The following GET4 variants were observed in gnomAD, a reference collection of about 807,000 sequenced individuals.
GET4 encodes Golgi to ER traffic protein 4 homolog.
GET4 carries 20 observed loss-of-function variants against 40.0 expected under a neutral mutation model. That is an observed-to-expected ratio of 0.50 (90% CI 0.35 to 0.73). The LOEUF (loss-of-function observed/expected upper bound fraction) is 0.73, where lower values mean the gene tolerates loss of function less well. Ranked by LOEUF, GET4 falls within the 30% of genes least tolerant of loss-of-function variation. The probability of loss-of-function intolerance (pLI) is 0.01; values close to 1 mark genes in which losing one functional copy is unlikely to be tolerated. For synonymous variants in GET4, 280 were observed against 194.6 expected (o/e 1.44, Z -3.65); for missense variants, 557 against 454.0 (o/e 1.23, Z -2.06).
chr7:878,725 C>T (rs891829696), intron 1 of GET4, among the ~76,000 whole-genome samples: 1 of 152,008 alleles, frequency 6.6e-6, no homozygotes, highest in Non-Finnish European at 1.5e-5. Flanking sequence ...GAATTACTGG[C>T]GCGCACCACC....
At chr7:886,521 C>T (rs773191906) in intron 2 of GET4, 48 bp from the exon 3 acceptor site, 4 of 1,387,782 alleles carry the variant, frequency 2.9e-6, no homozygotes, top group Non-Finnish European at 4.1e-6. Flanking sequence ...CTGTCCTGAA[C>T]AGGTCAGGGC....
chr7:887,344 C>T lies in GET4; in HGVS notation c.317-26C>T, dbSNP rs769107913. On this transcript the variant is annotated intron_variant, in intron 3 of 8. Transcript: ENST00000265857. ...AGAGCCGGAGTGGCCGTGCGTTCCT[C>T]TGATGAGGGTCTGTGCTGTTTGCAG... The T allele has an allele frequency of 3.2e-6, 5 of 1,567,266 alleles. No individual in the cohort carries two copies. In the Admixed American group the frequency reaches 7.1e-5, roughly 22 times the overall value.
chr7:877,259 C>T (rs1226936124), intron 1 of GET4, among the ~76,000 whole-genome samples: 1 of 149,418 alleles, frequency 6.7e-6, no homozygotes, highest in Admixed American at 6.7e-5. Context: ...CTCTCCCCGG[C>T]CTCTCCCGGC....
chr7:883,865 C>A (rs1844132808), intron 1 of GET4: 1 of 1,025,978 alleles, frequency 9.7e-7, no homozygotes, highest in Admixed American at 5.5e-5. Flanking sequence ...CACCGGCATT[C>A]CTGGACCTGG....
chr7:890,587 C>T (rs141642024), intron 4 of GET4, among the ~76,000 whole-genome samples: 62 of 152,202 alleles, frequency 4.1e-4, no homozygotes, highest in African/African-American at 1.3e-3. Context: ...TTATATTGCG[C>T]CCTGTAAGTT....
intron 1 of GET4, chr7:881,361 C>G (rs890182050): frequency 2.6e-5 from 4 of 152,122 alleles, no homozygotes; most frequent in Admixed American, 6.5e-5. Context: ...CACCCCATCC[C>G]CGGCACCCGT....
At chr7:889,624 G>A (rs533781963) in intron 4 of GET4, among the ~76,000 whole-genome samples, 1 of 152,156 alleles carries the variant, frequency 6.6e-6, no homozygotes, top group Admixed American at 6.6e-5. Flanking sequence ...GGCTCCCAAG[G>A]CATGCATGGG....
In GET4 at chr7:886,374, G is replaced by A. The variant is rs535317499; in HGVS notation, c.235-195G>A. The A allele has an allele frequency of 2.2e-4, 137 of 610,336 alleles. 2 individuals carry two copies. Among genetic ancestry groups the A allele is most frequent in the African/African-American group, 2.2e-3 (118 of 54,108 alleles). The allele number at this position is 610,336 out of a possible 1,614,324, so 37.8% of individuals were successfully genotyped here. A position where few individuals can be genotyped will look rare whatever the true frequency, so the allele number is the denominator to read the frequency against. ...GAGAGGGCGTTGTGTTGGTATAAACGTCCCCGTCCATTTTCATGTGATTCT... is the reference window on the plus strand; with the variant it reads ...GAGAGGGCGTTGTGTTGGTATAAACATCCCCGTCCATTTTCATGTGATTCT... On this transcript the variant is annotated intron_variant, in intron 2 of 8. Transcript: ENST00000265857.
Position 892,398 on chromosome 7 carries a change from CCTG to C in GET4, c.733_735del (p.Leu245del). On this transcript the variant is annotated inframe_deletion, in exon 6 of 9. Coordinates refer to ENST00000265857, the MANE Select transcript of GET4 (RefSeq NM_015949.3). ...AGCCGCTGCTTAACTTCATCTGGTT[CCTG>C]CTGCTGGCTGTGGACGGGTGCGTCT... 6.3e-7 allele frequency: 1 copy of C among 1,590,258 alleles called. No individual in the cohort carries two copies. The highest frequency in any genetic ancestry group is 8.6e-7 in the Non-Finnish European group (1 of 1,160,680).
At chr7:890,791 T>G in intron 4 of GET4, 137 bp from the exon 5 acceptor site, 2 of 686,806 alleles carry the variant, frequency 2.9e-6, no homozygotes, top group South Asian at 1.7e-5. Flanking sequence ...TATCAGGACC[T>G]CTGCCTGTGG....
intron 1 of GET4, among the ~76,000 whole-genome samples, chr7:878,555 G>T (rs1242115943): frequency 4.0e-5 from 6 of 149,294 alleles, no homozygotes; most frequent in Middle Eastern, 7.0e-3. Context: ...GTTTTCAGGG[G>T]TTTTTTCCTT....
At chr7:889,681 G>A (rs949542683) in intron 4 of GET4, among the ~76,000 whole-genome samples, 2 of 143,232 alleles carry the variant, frequency 1.4e-5, no homozygotes, top group African/African-American at 5.2e-5. Flanking sequence ...CGGGGTCTGG[G>A]GCGAGCGGGT....
chr7:878,979 C>CA lies in GET4; in HGVS notation c.155+2179_155+2180insA, dbSNP rs540489356. ...GACAGCCTCCTGCCCCACAGACACCCCCCCCCGAGTAGAGTCCCTCAGGGA... is the reference window on the plus strand; with the variant it reads ...GACAGCCTCCTGCCCCACAGACACCCACCCCCCGAGTAGAGTCCCTCAGGGA... On this transcript the variant is annotated intron_variant, in intron 1 of 8. Transcript: ENST00000265857. 3.9e-5 allele frequency among the ~76,000 whole-genome samples: 6 copies of CA among 151,960 alleles called. No homozygotes were observed. The South Asian group carries it at 1.2e-3, about 32-fold the overall frequency.
At chr7:885,632 GT>G (rs1460351217) in intron 1 of GET4, 1 of 172,378 alleles carries the variant, frequency 5.8e-6, no homozygotes, top group Non-Finnish European at 1.2e-5. Context: ...AGCCGTTACT[GT>G]CCCCCGTGGG....
At chr7:885,895 G>GAT in intron 1 of GET4, 161 bp from the exon 2 acceptor site, 3 of 628,510 alleles carry the variant, frequency 4.8e-6, no homozygotes, top group Admixed American at 5.2e-5. Flanking sequence ...GGACACCCAG[G>GAT]ATAGACCCCC....
At chr7:884,095 C>G (rs909463290) in intron 1 of GET4, 1 of 1,191,408 alleles carries the variant, frequency 8.4e-7, no homozygotes, top group Non-Finnish European at 1.1e-6. Flanking sequence ...TCCTTTTTTT[C>G]TTCTGGTTTC....
intron 6 of GET4, among the ~76,000 whole-genome samples, chr7:893,157 T>G (rs1386591831): frequency 1.0e-5 from 1 of 95,858 alleles, no homozygotes; most frequent in Non-Finnish European, 2.0e-5. Flanking sequence ...GTGTTGGGTG[T>G]AGGCGTGGTG....
At chr7:886,340 G>A (rs562383133) in intron 2 of GET4, 13 of 605,206 alleles carry the variant, frequency 2.1e-5, no homozygotes, top group Middle Eastern at 8.5e-4. Flanking sequence ...GTTTGTGCAC[G>A]ATGGGGCTGA....
chr7:891,539 G>A (rs997640974), intron 5 of GET4, among the ~76,000 whole-genome samples: 1 of 152,058 alleles, frequency 6.6e-6, no homozygotes, highest in Admixed American at 6.5e-5. Context: ...GGTCCCTCCC[G>A]CCAGCTCGCT....
Sources: allele counts gnomAD v4.1 joint callset (sites outside exome capture counted in the v4.1 genomes callset), GRCh38; gene constraint gnomAD v4.1.1; transcripts MANE v1.5; gene names NCBI Gene and HGNC (gene_info 2026-07-23, HGNC 2026-07-21).